Variants in PNPLA7 observed in about 807,000 individuals in gnomAD.
PNPLA7 encodes patatin like domain 7, lysophospholipase.
Under a neutral mutation model 161.7 loss-of-function variants are expected in PNPLA7, and 153 were observed. The observed-to-expected ratio is 0.95, with a 90% CI of 0.83 to 1.08. The LOEUF (loss-of-function observed/expected upper bound fraction) is 1.08. Ranked by LOEUF, PNPLA7 falls within the 50% of genes least tolerant of loss-of-function variation. The probability of loss-of-function intolerance (pLI) is 0.00; values close to 1 mark genes in which losing one functional copy is unlikely to be tolerated. For missense variants in PNPLA7, 1,739 were observed against 1,856.6 expected (o/e 0.94, Z 1.16); for synonymous variants, 809 against 782.1 (o/e 1.03, Z -0.57).
In PNPLA7 at chr9:137,481,024, C is replaced by G; in HGVS notation, c.2348-1G>C. ...TCACTAGTCAGCAGCAGGGTCGGGCCTGAAAACACCACCACCAGTAACGGA... is the reference window on the plus strand; with the variant it reads ...TCACTAGTCAGCAGCAGGGTCGGGCGTGAAAACACCACCACCAGTAACGGA... On this transcript the variant is annotated splice_acceptor_variant, in intron 21 of 34. Transcript: ENST00000406427. LOFTEE classifies it high-confidence loss of function. 6.4e-7 allele frequency: 1 copy of G among 1,551,658 alleles called. No homozygotes were observed. Among genetic ancestry groups the G allele is most frequent in the African/African-American group, 1.4e-5 (1 of 73,164 alleles).
At chr9:137,530,276 A>C (rs1158142559) in intron 8 of PNPLA7, among the ~76,000 whole-genome samples, 2 of 152,174 alleles carry the variant, frequency 1.3e-5, no homozygotes, top group Admixed American at 1.3e-4. Context: ...TGAAGTATGA[A>C]TCTTAATACA....
chr9:137,503,967 A>C, intron 14 of PNPLA7, among the ~76,000 whole-genome samples: 1 of 124,100 alleles, frequency 8.1e-6, no homozygotes, highest in South Asian at 2.7e-4. Context: ...AGGAAGAAGG[A>C]AGAAGAAGAA....
At chr9:137,542,534 T>A (rs2132631335) in intron 7 of PNPLA7, 108 bp downstream of exon 7, 3 of 1,258,430 alleles carry the variant, frequency 2.4e-6, no homozygotes, top group East Asian at 2.7e-5. Context: ...GAAATTAAAA[T>A]CAAAATTTTG....
chr9:137,520,148 T>G lies in PNPLA7; in HGVS notation c.958-105A>C. The G allele has an allele frequency of 6.6e-7, 1 of 1,507,334 alleles. No homozygotes were observed. Among genetic ancestry groups the G allele is most frequent in the Non-Finnish European group, 8.9e-7 (1 of 1,117,674 alleles). The allele number at this position is 1,507,334 out of a possible 1,614,324, so 93.4% of individuals were successfully genotyped here. On this transcript the variant is annotated intron_variant, in intron 10 of 34. Transcript: ENST00000406427. The surrounding 1 kb of genome is among the most constrained non-coding windows in gnomAD (Gnocchi z 5.2). ...GACAGGTGTGGGCTCCTCAAAGGTG[T>G]GACAGGTGTGGGCCCCTCAAAGGTG...
rs1270528293 is a variant in PNPLA7 at position 137,490,651 on chromosome 9, T to C, written c.2197+2362A>G. Among the ~76,000 whole-genome samples the C allele has an allele frequency of 1.3e-5, 2 of 152,168 alleles. No individual in the cohort carries two copies. Among genetic ancestry groups the C allele is most frequent in the Admixed American group, 6.5e-5 (1 of 15,274 alleles). On this transcript the variant is annotated intron_variant, in intron 20 of 34. Coordinates refer to ENST00000406427, the MANE Select transcript of PNPLA7 (RefSeq NM_001098537.3). This position sits in a 1 kb window ranked among gnomAD's most constrained non-coding sequence, Gnocchi z 4.1. ...AAGCGGATCTGCAGCCATCAGACCTTCTCTGAAAGAACCGCTAACCACAAT... is the reference window on the plus strand; with the variant it reads ...AAGCGGATCTGCAGCCATCAGACCTCCTCTGAAAGAACCGCTAACCACAAT...
At chr9:137,462,637 G>T (rs780059289) in intron 30 of PNPLA7, 48 bp downstream of exon 30, 1 of 1,600,910 alleles carries the variant, frequency 6.2e-7, no homozygotes. Flanking sequence ...GTGTGGAGCT[G>T]CAGGGAGGAG....
intron 20 of PNPLA7, among the ~76,000 whole-genome samples, chr9:137,491,279 A>G (rs1211238867): frequency 6.6e-6 from 1 of 152,222 alleles, no homozygotes; most frequent in Admixed American, 6.5e-5. Context: ...TCTAAATAAA[A>G]AGAGAAAATA....
chr9:137,482,774 G>A (rs74566455), intron 21 of PNPLA7, among the ~76,000 whole-genome samples: 4,015 of 152,374 alleles, frequency 0.026, 74 homozygotes, highest in Non-Finnish European at 0.04. Context: ...CCCCTAAGGC[G>A]CTGCCCGTGA....
intron 8 of PNPLA7, among the ~76,000 whole-genome samples, chr9:137,528,161 T>G (rs1297172735): frequency 6.6e-6 from 1 of 152,224 alleles, no homozygotes; most frequent in African/African-American, 2.4e-5. Flanking sequence ...GCTGGAGGAT[T>G]TTTCATTTTA....
chr9:137,500,925 C>G lies in PNPLA7; in HGVS notation c.1552-29G>C. 6.5e-7 allele frequency: 1 copy of G among 1,533,944 alleles called. No individual in the cohort carries two copies. ...ACACACGAGAGGGCTCAGGAGGCGC[C>G]GCGAGTGGCCGCGGGCAGGACGGGG... On this transcript the variant is annotated intron_variant, in intron 15 of 34. Coordinates refer to ENST00000406427, the MANE Select transcript of PNPLA7 (RefSeq NM_001098537.3). The surrounding 1 kb of genome is among the most constrained non-coding windows in gnomAD (Gnocchi z 5.5).
chr9:137,511,023 T>C (rs545386070), intron 12 of PNPLA7, among the ~76,000 whole-genome samples: 2 of 152,390 alleles, frequency 1.3e-5, no homozygotes, highest in East Asian at 3.9e-4. Flanking sequence ...AGTTAGGAGC[T>C]GAAGGGACAT....
chr9:137,484,862 C>G (rs756509588), intron 20 of PNPLA7, 126 bp from the exon 21 acceptor site: 2 of 1,188,448 alleles, frequency 1.7e-6, no homozygotes, highest in Non-Finnish European at 1.1e-6. Flanking sequence ...CTGGCCCTCC[C>G]GCCTCCCCAG....
chr9:137,536,748 G>A (rs1026679745), intron 8 of PNPLA7, among the ~76,000 whole-genome samples: 31 of 151,338 alleles, frequency 2.0e-4, no homozygotes, highest in African/African-American at 6.6e-4. Flanking sequence ...GGCAATCTAC[G>A]GAGCCACACT....
At chr9:137,497,366 C>G in intron 17 of PNPLA7, 56 bp from the exon 18 acceptor site, 1 of 1,413,180 alleles carries the variant, frequency 7.1e-7, no homozygotes, top group Non-Finnish European at 9.3e-7. Flanking sequence ...GCCTCCACAC[C>G]CAGCTTCCCA....
At chr9:137,549,237 C>T (rs1249221083) in intron 1 of PNPLA7, among the ~76,000 whole-genome samples, 1 of 152,160 alleles carries the variant, frequency 6.6e-6, no homozygotes. Flanking sequence ...AATCCCAGCA[C>T]TTTGGGAGGC....
intron 20 of PNPLA7, among the ~76,000 whole-genome samples, chr9:137,492,500 G>A (rs964750776): frequency 1.2e-4 from 17 of 138,078 alleles, no homozygotes; most frequent in Non-Finnish European, 2.1e-4. Flanking sequence ...ACAGGGGAGG[G>A]GCATGGGCGG....
At position 137,500,977 on chromosome 9, in the gene PNPLA7, G is replaced by A; in HGVS notation, c.1552-81C>T. 2 of 1,315,476 alleles carry A rather than the reference G, an allele frequency of 1.5e-6. No homozygotes were observed. Among genetic ancestry groups the A allele is most frequent in the South Asian group, 2.7e-5 (2 of 73,442 alleles). The allele number at this position is 1,315,476 out of a possible 1,614,324, so 81.5% of individuals were successfully genotyped here. A position where few individuals can be genotyped will look rare whatever the true frequency, so the allele number is the denominator to read the frequency against. Reference sequence around the variant, plus strand: ...CAGCTCTGGGCCCAGAGCGGACGATGCCACCAGGCTCAGCCGGGAGACCAT... The same window carrying A: ...CAGCTCTGGGCCCAGAGCGGACGATACCACCAGGCTCAGCCGGGAGACCAT... On this transcript the variant is annotated intron_variant, in intron 15 of 34. Coordinates refer to ENST00000406427, the MANE Select transcript of PNPLA7 (RefSeq NM_001098537.3). This position sits in a 1 kb window ranked among gnomAD's most constrained non-coding sequence, Gnocchi z 5.5.
At chr9:137,542,494 A>C (rs1280953572) in intron 7 of PNPLA7, 148 bp downstream of exon 7, 15 of 970,380 alleles carry the variant, frequency 1.5e-5, no homozygotes, top group Middle Eastern at 3.4e-4. Context: ...AAATGTAATA[A>C]AAAATAAAAA....
chr9:137,504,178 G>C (rs1833784874), intron 14 of PNPLA7, among the ~76,000 whole-genome samples: 1 of 140,414 alleles, frequency 7.1e-6, no homozygotes, highest in Non-Finnish European at 1.5e-5. Flanking sequence ...GGAAGAAGAA[G>C]GAAGAAGGAA....
Sources: allele counts gnomAD v4.1 joint callset (sites outside exome capture counted in the v4.1 genomes callset), GRCh38; gene constraint gnomAD v4.1.1; non-coding constraint Gnocchi (gnomAD v3.1); transcripts MANE v1.5; gene names NCBI Gene and HGNC (gene_info 2026-07-23, HGNC 2026-07-21).